The following MGMT variants were observed in gnomAD, a reference collection of about 807,000 sequenced individuals.
MGMT encodes the protein methylated-DNA--protein-cysteine methyltransferase.
In MGMT, 14 loss-of-function variants were observed where a neutral mutation model predicts 15.9. The ratio of observed to expected loss-of-function variants is 0.88; its 90% CI spans 0.58 to 1.37. MGMT has a LOEUF of 1.37. Among genes scored for constraint, MGMT ranks in the 40% most tolerant of loss-of-function variants. The pLI, the probability that MGMT is intolerant of heterozygous loss-of-function variation, is 0.00. For synonymous variants in MGMT, 130 were observed against 118.2 expected (o/e 1.10, Z -0.65); for missense variants, 282 against 268.1 (o/e 1.05, Z -0.36).
chr10:129,603,956 T>G (rs1846855524), intron 2 of MGMT, among the ~76,000 whole-genome samples: 1 of 152,344 alleles, frequency 6.6e-6, no homozygotes, highest in South Asian at 2.1e-4. Flanking sequence ...AGTGGAGGGC[T>G]GGAGGCCTGG....
intron 2 of MGMT, among the ~76,000 whole-genome samples, chr10:129,552,148 T>TG (rs1846164172): frequency 6.6e-6 from 1 of 152,148 alleles, no homozygotes; most frequent in South Asian, 2.1e-4. Context: ...GGAAGGCCAG[T>TG]GGGGCCGCAG....
At chr10:129,473,352 C>G (rs541286593) in intron 1 of MGMT, among the ~76,000 whole-genome samples, 1 of 152,332 alleles carries the variant, frequency 6.6e-6, no homozygotes, top group African/African-American at 2.4e-5. Flanking sequence ...TGGTTCAGCT[C>G]ACCCTGGTGG....
intron 2 of MGMT, among the ~76,000 whole-genome samples, chr10:129,646,754 A>ATATATATATTTTTTTTTTTT: frequency 1.8e-4 from 16 of 86,670 alleles, no homozygotes; most frequent in African/African-American, 5.9e-4. Context: ...ATATATATAT[A>ATATATATATTTTTTTTTTTT]TTTTCAGGGA....
intron 2 of MGMT, among the ~76,000 whole-genome samples, chr10:129,679,373 A>G (rs1847822163): frequency 6.6e-6 from 1 of 152,034 alleles, no homozygotes; most frequent in African/African-American, 2.4e-5. Context: ...GCGGGCTTCC[A>G]CAACTGGCAT....
At chr10:129,703,117 G>C (rs1426180530) in intron 2 of MGMT, among the ~76,000 whole-genome samples, 1 of 152,160 alleles carries the variant, frequency 6.6e-6, no homozygotes, top group Non-Finnish European at 1.5e-5. Context: ...CAGAATCAAA[G>C]CTGTTTAATT....
chr10:129,574,398 A>G (rs1276652111), intron 2 of MGMT, among the ~76,000 whole-genome samples: 1 of 152,208 alleles, frequency 6.6e-6, no homozygotes, highest in Non-Finnish European at 1.5e-5. Flanking sequence ...AAGCTCACAT[A>G]CTGTGGCGAA....
intron 1 of MGMT, among the ~76,000 whole-genome samples, chr10:129,514,597 C>CA (rs1452711853): frequency 6.6e-6 from 1 of 152,174 alleles, no homozygotes; most frequent in East Asian, 1.9e-4. Flanking sequence ...TGTTCTCCCA[C>CA]AAAATTCATG....
At chr10:129,547,907 G>C (rs1406399074) in intron 2 of MGMT, among the ~76,000 whole-genome samples, 3 of 152,206 alleles carry the variant, frequency 2.0e-5, no homozygotes, top group African/African-American at 7.2e-5. Context: ...GCTATGGGAG[G>C]CAATACTTGT....
intron 1 of MGMT, among the ~76,000 whole-genome samples, chr10:129,476,158 G>A (rs893414242): frequency 6.6e-6 from 1 of 152,080 alleles, no homozygotes. Context: ...TTGGTTCTCC[G>A]GAAGCATGGG....
chr10:129,703,129 C>G (rs1848118806), intron 2 of MGMT, among the ~76,000 whole-genome samples: 1 of 152,192 alleles, frequency 6.6e-6, no homozygotes, highest in Admixed American at 6.5e-5. Context: ...TGTTTAATTA[C>G]ATTTCACCCA....
intron 2 of MGMT, among the ~76,000 whole-genome samples, chr10:129,650,845 G>C (rs1847449094): frequency 6.6e-6 from 1 of 152,190 alleles, no homozygotes. Flanking sequence ...GATGTGCCTG[G>C]GACTAGGGCA....
intron 2 of MGMT, among the ~76,000 whole-genome samples, chr10:129,661,256 T>C (rs1589921672): frequency 6.6e-6 from 1 of 152,140 alleles, no homozygotes; most frequent in East Asian, 1.9e-4. Flanking sequence ...TTTGTGTATG[T>C]CTGTATTTCT....
chr10:129,517,976 C>G (rs1014262506), intron 1 of MGMT, among the ~76,000 whole-genome samples: 3 of 152,090 alleles, frequency 2.0e-5, no homozygotes, highest in Non-Finnish European at 4.4e-5. Flanking sequence ...TTGTGTGGCT[C>G]GGGCCTGCCT....
intron 2 of MGMT, among the ~76,000 whole-genome samples, chr10:129,539,558 G>A (rs560820325): frequency 1.3e-5 from 2 of 152,140 alleles, no homozygotes; most frequent in East Asian, 3.9e-4. Context: ...CCAGGCTGGA[G>A]TGCAGTGGTG....
intron 2 of MGMT, among the ~76,000 whole-genome samples, chr10:129,660,651 T>C (rs905283697): frequency 1.3e-5 from 2 of 152,206 alleles, no homozygotes; most frequent in African/African-American, 4.8e-5. Flanking sequence ...CTGCCTCTGC[T>C]GTGGGTTTCC....
At chr10:129,738,488 G>C (rs1276314866) in intron 3 of MGMT, among the ~76,000 whole-genome samples, 1 of 152,242 alleles carries the variant, frequency 6.6e-6, no homozygotes, top group African/African-American at 2.4e-5. Context: ...CGGTACCTCA[G>C]ATGGAAATGC....
At chr10:129,473,335 C>T (rs1391450686) in intron 1 of MGMT, among the ~76,000 whole-genome samples, 1 of 152,188 alleles carries the variant, frequency 6.6e-6, no homozygotes, top group Admixed American at 6.5e-5. Context: ...TCCTTAATCT[C>T]CTGTCATGGT....
chr10:129,714,598 G>A (rs1848271966), intron 3 of MGMT, among the ~76,000 whole-genome samples: 1 of 151,956 alleles, frequency 6.6e-6, no homozygotes, highest in African/African-American at 2.4e-5. Flanking sequence ...CTTAGCATGG[G>A]CACACGCACA....
chr10:129,538,633 A>AT (rs572752392), intron 2 of MGMT, among the ~76,000 whole-genome samples: 237 of 145,148 alleles, frequency 1.6e-3, no homozygotes, highest in South Asian at 7.2e-3. Context: ...TCTTTTGCCC[A>AT]TTTTTTTTTT....
Sources: gnomAD v4.1 joint callset for allele counts (sites outside exome capture counted in the v4.1 genomes callset) on GRCh38, gnomAD v4.1.1 for gene constraint, MANE v1.5 for transcripts, NCBI Gene and HGNC (gene_info 2026-07-23, HGNC 2026-07-21) for gene names.